RNF150: variants seen among roughly 807,000 people sequenced by gnomAD.
The protein encoded by RNF150 is ring finger protein 150.
RNF150 carries 24 observed loss-of-function variants against 39.3 expected under a neutral mutation model. The observed-to-expected ratio is 0.61, with a 90% CI of 0.44 to 0.86. The LOEUF is 0.86. Ranked by LOEUF, RNF150 falls within the 40% of genes least tolerant of loss-of-function variation. The pLI is 0.00. For synonymous variants in RNF150, 255 were observed against 227.3 expected, an observed-to-expected ratio of 1.12 and a Z score of -1.10; for missense variants, 502 against 587.8, an observed-to-expected ratio of 0.85 and a Z score of 1.51.
chr4:140,917,696 G>C (rs941373988), intron 5 of RNF150, among the ~76,000 whole-genome samples: 1 of 152,034 alleles, frequency 6.6e-6, no homozygotes, highest in African/African-American at 2.4e-5. Context: ...GGACCTAATA[G>C]ACATCTACAG....
At chr4:140,899,405 T>C (rs1451789507) in intron 6 of RNF150, among the ~76,000 whole-genome samples, 1 of 152,216 alleles carries the variant, frequency 6.6e-6, no homozygotes, top group South Asian at 2.1e-4. Flanking sequence ...ATTTCATTTG[T>C]AGGCAGGCAG....
At chr4:140,928,901 C>T (rs1320033453) in intron 4 of RNF150, among the ~76,000 whole-genome samples, 1 of 152,156 alleles carries the variant, frequency 6.6e-6, no homozygotes, top group Non-Finnish European at 1.5e-5. Flanking sequence ...TCTCTGGAGA[C>T]TCCTGACCAA....
At chr4:141,200,818 A>C (rs1728278237) in intron 1 of RNF150, among the ~76,000 whole-genome samples, 1 of 152,192 alleles carries the variant, frequency 6.6e-6, no homozygotes, top group African/African-American at 2.4e-5. Context: ...TTTGGTTTTA[A>C]AGAAGAACCT....
chr4:141,098,826 G>A (rs953736437), intron 1 of RNF150, among the ~76,000 whole-genome samples: 3 of 152,178 alleles, frequency 2.0e-5, no homozygotes, highest in South Asian at 4.1e-4. Context: ...GGGTTGACTT[G>A]AAAGTCAAGG....
intron 5 of RNF150, among the ~76,000 whole-genome samples, chr4:140,925,746 T>C (rs1411151896): frequency 2.0e-5 from 3 of 152,124 alleles, no homozygotes; most frequent in Non-Finnish European, 4.4e-5. Context: ...AGTGATACCT[T>C]GACTCACAGA....
At chr4:141,084,602 A>G (rs1216438781) in intron 1 of RNF150, among the ~76,000 whole-genome samples, 1 of 152,246 alleles carries the variant, frequency 6.6e-6, no homozygotes, top group African/African-American at 2.4e-5. Flanking sequence ...AAGGACGCGC[A>G]GGCTTCTGAT....
At position 140,875,800 on chromosome 4, in the gene RNF150, A is replaced by G. The variant is rs556044757; in HGVS notation, c.1199-7421T>C. On this transcript the variant is annotated intron_variant, in intron 6 of 6. Transcript: ENST00000515673. ...ACTTGACATGATAGTTTTCACATGA[A>G]GTCACTGCTTTCCTACTTAATTGTT... Among the ~76,000 whole-genome samples the G allele has an allele frequency of 1.9e-3, 296 of 152,246 alleles. 1 individual carries two copies. Among genetic ancestry groups the G allele is most frequent in the African/African-American group, 6.9e-3 (288 of 41,538 alleles).
chr4:141,056,025 C>A (rs1233107638), intron 1 of RNF150, among the ~76,000 whole-genome samples: 1 of 152,168 alleles, frequency 6.6e-6, no homozygotes, highest in Admixed American at 6.5e-5. Flanking sequence ...TTAGGTGTTC[C>A]TCTCTTTACA....
chr4:141,114,227 T>A (rs1261261458), intron 1 of RNF150, among the ~76,000 whole-genome samples: 3 of 152,164 alleles, frequency 2.0e-5, no homozygotes, highest in Non-Finnish European at 4.4e-5. Flanking sequence ...AGGAGCTGGT[T>A]TTTTGAAAAG....
At chr4:140,868,429 A>G in intron 6 of RNF150, 50 bp from the exon 7 acceptor site, 1 of 985,938 alleles carries the variant, frequency 1.0e-6, no homozygotes, top group Non-Finnish European at 1.6e-6. Context: ...ATGTCTTTGC[A>G]TGCTGCTTAT....
intron 1 of RNF150, among the ~76,000 whole-genome samples, chr4:140,968,513 A>G (rs1475007497): frequency 1.3e-5 from 2 of 151,916 alleles, no homozygotes; most frequent in Non-Finnish European, 2.9e-5. Context: ...TGGAAACAGC[A>G]TGTTTCCACT....
chr4:140,973,129 C>T (rs1239123838), intron 1 of RNF150, among the ~76,000 whole-genome samples: 1 of 152,156 alleles, frequency 6.6e-6, no homozygotes, highest in Admixed American at 6.5e-5. Flanking sequence ...CAAATGCAGA[C>T]TGTACCTCCC....
chr4:140,909,481 C>T, intron 6 of RNF150, among the ~76,000 whole-genome samples: 1 of 151,994 alleles, frequency 6.6e-6, no homozygotes, highest in East Asian at 1.9e-4. Flanking sequence ...TTACTGTTTA[C>T]TTCTTGAGCC....
intron 2 of RNF150, among the ~76,000 whole-genome samples, chr4:140,957,071 A>C (rs1161590261): frequency 2.0e-5 from 3 of 149,238 alleles, no homozygotes; most frequent in Non-Finnish European, 3.0e-5. Flanking sequence ...TAATTAAACT[A>C]AAGAGCTTCT....
intron 1 of RNF150, among the ~76,000 whole-genome samples, chr4:141,104,905 C>G (rs1359061456): frequency 1.3e-5 from 2 of 152,138 alleles, no homozygotes; most frequent in Non-Finnish European, 2.9e-5. Flanking sequence ...GTCTCTCTCT[C>G]TCTCTTGTGC....
intron 1 of RNF150, among the ~76,000 whole-genome samples, chr4:141,115,089 A>C (rs1578744341): frequency 6.6e-6 from 1 of 152,198 alleles, no homozygotes; most frequent in African/African-American, 2.4e-5. Flanking sequence ...GCACAAGACA[A>C]GGATGCCTTT....
At chr4:141,185,834 A>G (rs1727998446) in intron 1 of RNF150, among the ~76,000 whole-genome samples, 1 of 151,966 alleles carries the variant, frequency 6.6e-6, no homozygotes, top group Non-Finnish European at 1.5e-5. Flanking sequence ...AATTATGTTT[A>G]TTGATTTGCC....
intron 1 of RNF150, among the ~76,000 whole-genome samples, chr4:141,114,197 C>A (rs1236663719): frequency 6.6e-6 from 1 of 151,536 alleles, no homozygotes; most frequent in Non-Finnish European, 1.5e-5. Flanking sequence ...AAAAACCCTT[C>A]AAAAAAAATT....
chr4:140,863,137 G>A lies in RNF150; in HGVS notation c.*5124C>T, dbSNP rs1728558464. On this transcript the variant is annotated 3_prime_UTR_variant, in exon 7 of 7. Coordinates refer to ENST00000515673, the MANE Select transcript of RNF150 (RefSeq NM_020724.2). ...GATGAGCAAGCACTTGTGCTAAGTA[G>A]TTAGGAAGAATGGGCATTCCATCAG... The A allele has an allele frequency of 6.6e-6, 1 of 152,136 alleles. No individual in the cohort carries two copies. The allele number at this position is 152,136 out of a possible 1,614,324, so 9.4% of individuals were successfully genotyped here. A position where few individuals can be genotyped will look rare whatever the true frequency, so the allele number is the denominator to read the frequency against.
Sources: allele counts gnomAD v4.1 joint callset (sites outside exome capture counted in the v4.1 genomes callset), GRCh38; gene constraint gnomAD v4.1.1; transcripts MANE v1.5; gene names NCBI Gene and HGNC (gene_info 2026-07-23, HGNC 2026-07-21).